TRPC5: variants seen among roughly 807,000 people sequenced by gnomAD.
The protein encoded by TRPC5 is short transient receptor potential channel 5.
In TRPC5, 9 loss-of-function variants were observed where a neutral mutation model predicts 56.5. The observed-to-expected ratio is 0.16, with a 90% CI of 0.10 to 0.28. TRPC5 has a LOEUF of 0.28. TRPC5 is among the 10% of genes least tolerant of loss of function. TRPC5 has a pLI of 1.00. For synonymous variants in TRPC5, 282 were observed against 278.5 expected (o/e 1.01, Z -0.13); for missense variants, 469 against 748.9 (o/e 0.63, Z 4.36).
intron 7 of TRPC5, among the ~76,000 whole-genome samples, chrX:111,796,174 C>T (rs1392358392): frequency 9.0e-6 from 1 of 111,617 alleles, no homozygotes; most frequent in East Asian, 2.8e-4. Context: ...TTTTTATCAC[C>T]TCTATCACTT....
At chrX:111,797,858 A>G (rs1428191304) in intron 7 of TRPC5, among the ~76,000 whole-genome samples, 1 of 111,731 alleles carries the variant, frequency 9.0e-6, no homozygotes, top group Non-Finnish European at 1.9e-5. Flanking sequence ...ACATCATAAA[A>G]TTAATTCTTT....
At chrX:111,935,461 CT>C (rs1926542347) in intron 2 of TRPC5, among the ~76,000 whole-genome samples, 1 of 111,796 alleles carries the variant, frequency 8.9e-6, no homozygotes, top group Admixed American at 9.5e-5. Context: ...TATGCAGAAG[CT>C]TTTTAATGTC....
chrX:111,813,770 T>C (rs1921780932), intron 7 of TRPC5, among the ~76,000 whole-genome samples: 1 of 112,250 alleles, frequency 8.9e-6, no homozygotes, highest in African/African-American at 3.2e-5. Context: ...GGGGGACATA[T>C]TGGGAGGCTT....
chrX:111,905,808 A>G lies in TRPC5; in HGVS notation c.900+6483T>C, dbSNP rs540614846. Among the ~76,000 whole-genome samples the G allele has an allele frequency of 3.5e-3, 373 of 107,833 alleles. 1 individual carries two copies. The highest frequency in any genetic ancestry group is 5.7e-3 in the Non-Finnish European group (298 of 52,080). The allele number at this position is 107,833 out of a possible 115,157, so 93.6% of individuals were successfully genotyped here. A position where few individuals can be genotyped will look rare whatever the true frequency, so the allele number is the denominator to read the frequency against. On this transcript the variant is annotated intron_variant, in intron 3 of 10. Transcript: ENST00000262839. ...CGGGCGCCTGTAGTCCCAGCTACTC[A>G]GGAGGCTGAGGCAGGAGAATGGCGT...
At chrX:112,079,372 A>G (rs1227390171) in intron 1 of TRPC5, among the ~76,000 whole-genome samples, 1 of 112,249 alleles carries the variant, frequency 8.9e-6, no homozygotes. Flanking sequence ...GGAATTTAAT[A>G]TTGTAAGGAG....
chrX:111,915,077 CTCT>C (rs1395814464), intron 2 of TRPC5, among the ~76,000 whole-genome samples: 2 of 110,242 alleles, frequency 1.8e-5, no homozygotes, highest in African/African-American at 6.6e-5. Context: ...CTCTCTCTCT[CTCT>C]CCCCGCCACT....
chrX:112,059,333 C>T (rs950429007), intron 1 of TRPC5, among the ~76,000 whole-genome samples: 6 of 112,222 alleles, frequency 5.3e-5, no homozygotes, highest in Admixed American at 9.4e-5. Flanking sequence ...ATAATCTCTG[C>T]TCTACAAGAA....
chrX:111,992,183 A>G (rs758944656), intron 1 of TRPC5, among the ~76,000 whole-genome samples: 71 of 112,397 alleles, frequency 6.3e-4, no homozygotes, highest in African/African-American at 2.2e-3. Context: ...GTGCTTGGGC[A>G]CAGGGTAAGA....
chrX:111,950,548 A>G (rs1459315128), intron 2 of TRPC5, among the ~76,000 whole-genome samples: 1 of 111,270 alleles, frequency 9.0e-6, no homozygotes, highest in Non-Finnish European at 1.9e-5. Flanking sequence ...AAGACTACAA[A>G]TAGGCTGCAG....
At chrX:111,859,109 T>G (rs1923322755) in intron 3 of TRPC5, among the ~76,000 whole-genome samples, 1 of 111,963 alleles carries the variant, frequency 8.9e-6, no homozygotes, top group Non-Finnish European at 1.9e-5. Context: ...GCCATGATTC[T>G]GTTGGCTTTT....
intron 1 of TRPC5, among the ~76,000 whole-genome samples, chrX:112,048,399 C>CAAAAAAAAAAAAAA (rs58537492): frequency 1.9e-4 from 4 of 21,480 alleles, no homozygotes; most frequent in Non-Finnish European, 2.5e-4. Flanking sequence ...GACTCCGTAT[C>CAAAAAAAAAAAAAA]AAAAAAAAAA....
intron 7 of TRPC5, among the ~76,000 whole-genome samples, chrX:111,819,769 A>G (rs1365747825): frequency 1.8e-5 from 2 of 111,738 alleles, no homozygotes; most frequent in East Asian, 5.6e-4. Flanking sequence ...TCCATCTTAT[A>G]GATAGCTTCT....
In TRPC5 at chrX:111,964,888, C is replaced by A. The variant is rs1407690689; in HGVS notation, c.-21-12447G>T. 2.7e-5 allele frequency among the ~76,000 whole-genome samples: 3 copies of A among 111,852 alleles called. No individual in the cohort carries two copies. The Admixed American group carries it at 2.8e-4, about 11-fold the overall frequency. Reference sequence around the variant, plus strand: ...CAAAAACATGCTAAAATGTAAAGACCATCAAGGCTAGGAAGAAACTGCATC... The same window carrying A: ...CAAAAACATGCTAAAATGTAAAGACAATCAAGGCTAGGAAGAAACTGCATC... On this transcript the variant is annotated intron_variant, in intron 1 of 10. Transcript: ENST00000262839.
chrX:111,823,555 C>T (rs1922093738), intron 7 of TRPC5, among the ~76,000 whole-genome samples: 2 of 111,157 alleles, frequency 1.8e-5, no homozygotes, highest in Non-Finnish European at 3.8e-5. Flanking sequence ...CTGTGGTTGT[C>T]TGCTTGCTCA....
chrX:112,035,781 GCCA>G (rs1929721508), intron 1 of TRPC5, among the ~76,000 whole-genome samples: 1 of 108,549 alleles, frequency 9.2e-6, no homozygotes, highest in Non-Finnish European at 1.9e-5. Flanking sequence ...ACAGCTGCCT[GCCA>G]CCATGCCTGG....
chrX:111,842,241 G>A (rs1488322545), intron 6 of TRPC5, among the ~76,000 whole-genome samples: 2 of 105,247 alleles, frequency 1.9e-5, no homozygotes, highest in Non-Finnish European at 3.8e-5. Flanking sequence ...GGGTTCAAGC[G>A]ATTCTCCTGC....
At chrX:111,907,096 G>A (rs137948250) in intron 3 of TRPC5, among the ~76,000 whole-genome samples, 1,549 of 104,974 alleles carry the variant, frequency 0.015, 23 homozygotes, top group Middle Eastern at 0.071. Flanking sequence ...GCTTCTTTCG[G>A]GTATGAAGGT....
At chrX:111,931,948 T>G (rs763419889) in intron 2 of TRPC5, among the ~76,000 whole-genome samples, 7 of 112,036 alleles carry the variant, frequency 6.2e-5, no homozygotes, top group Non-Finnish European at 1.3e-4. Context: ...GCTAATATTA[T>G]TACTAGACAC....
chrX:111,966,439 A>G (rs1927580455), intron 1 of TRPC5, among the ~76,000 whole-genome samples: 1 of 111,980 alleles, frequency 8.9e-6, no homozygotes, highest in African/African-American at 3.3e-5. Flanking sequence ...AAACTATACC[A>G]ATCAATCGAA....
Sources: gnomAD v4.1 joint callset for allele counts (sites outside exome capture counted in the v4.1 genomes callset) on GRCh38, gnomAD v4.1.1 for gene constraint, MANE v1.5 for transcripts, NCBI Gene and HGNC (gene_info 2026-07-23, HGNC 2026-07-21) for gene names.